Variants in PIP4K2A observed in about 807,000 individuals in gnomAD.
The protein encoded by PIP4K2A is phosphatidylinositol-5-phosphate 4-kinase type 2 alpha.
A neutral mutation model predicts 42.9 loss-of-function variants in PIP4K2A; 14 were observed. The observed-to-expected ratio is 0.33, with a 90% CI of 0.22 to 0.51. PIP4K2A has a LOEUF of 0.51. PIP4K2A is among the 20% of genes least tolerant of loss of function. PIP4K2A has a pLI of 0.97. For missense variants in PIP4K2A, 434 were observed against 519.8 expected (o/e 0.83, Z 1.61); for synonymous variants, 192 against 192.2 (o/e 1.00, Z 0.01).
chr10:22,630,525 A>C (rs1204398627), intron 1 of PIP4K2A, among the ~76,000 whole-genome samples: 1 of 152,242 alleles, frequency 6.6e-6, no homozygotes, highest in Non-Finnish European at 1.5e-5. Context: ...TTATACATGA[A>C]ATGGGGATTT....
chr10:22,570,273 G>T (rs1452075686), intron 5 of PIP4K2A, among the ~76,000 whole-genome samples: 1 of 152,228 alleles, frequency 6.6e-6, no homozygotes, highest in Non-Finnish European at 1.5e-5. Flanking sequence ...TATTTTAACA[G>T]ATGAAGAGAC....
At chr10:22,680,559 A>C (rs1307747339) in intron 1 of PIP4K2A, among the ~76,000 whole-genome samples, 1 of 150,366 alleles carries the variant, frequency 6.7e-6, no homozygotes, top group African/African-American at 2.4e-5. Context: ...ATGAATGACA[A>C]TAAAAAGGCT....
intron 1 of PIP4K2A, among the ~76,000 whole-genome samples, chr10:22,642,853 A>G (rs1588681221): frequency 1.3e-5 from 2 of 152,108 alleles, no homozygotes; most frequent in African/African-American, 4.8e-5. Flanking sequence ...CCTAGATAGT[A>G]ATTCATGTAT....
intron 3 of PIP4K2A, among the ~76,000 whole-genome samples, chr10:22,599,212 G>A (rs1271222428): frequency 6.6e-6 from 1 of 152,138 alleles, no homozygotes; most frequent in Non-Finnish European, 1.5e-5. Context: ...CAACTCAACA[G>A]TTTTTAATGT....
intron 1 of PIP4K2A, among the ~76,000 whole-genome samples, chr10:22,707,601 A>G (rs1453084711): frequency 6.6e-6 from 1 of 152,246 alleles, no homozygotes; most frequent in Non-Finnish European, 1.5e-5. Context: ...AAAAGAACTC[A>G]AAGAAATGAA....
chr10:22,621,908 C>A (rs1838338930), intron 1 of PIP4K2A, among the ~76,000 whole-genome samples: 1 of 152,206 alleles, frequency 6.6e-6, no homozygotes, highest in South Asian at 2.1e-4. Flanking sequence ...AGAGGGGCCG[C>A]CTGCTTTCCT....
rs146921550 is a variant in PIP4K2A, at chr10:22,544,354, T to G, written c.793-2307A>C. On this transcript the variant is annotated intron_variant, in intron 7 of 9. Transcript: ENST00000376573. Reference sequence around the variant, plus strand: ...GGGGTGCTTATGGTGGGCCCACTTCTCCCTGCCCTGTTGTTCCAAGGCCTC... The same window carrying G: ...GGGGTGCTTATGGTGGGCCCACTTCGCCCTGCCCTGTTGTTCCAAGGCCTC... Among the ~76,000 whole-genome samples the G allele has an allele frequency of 5.8e-3, 884 of 152,262 alleles. 6 individuals carry two copies. Among genetic ancestry groups the G allele is most frequent in the African/African-American group, 0.02 (833 of 41,552 alleles).
At chr10:22,609,552 CA>C in intron 2 of PIP4K2A, 67 bp downstream of exon 2, 1 of 881,264 alleles carries the variant, frequency 1.1e-6, no homozygotes, top group Non-Finnish European at 1.9e-6. Flanking sequence ...TATGTGATTA[CA>C]AAAATTCACA....
intron 1 of PIP4K2A, among the ~76,000 whole-genome samples, chr10:22,673,463 G>T (rs1018804334): frequency 6.6e-6 from 1 of 152,116 alleles, no homozygotes; most frequent in African/African-American, 2.4e-5. Context: ...CCGGGGTCTT[G>T]CATCAAGCCC....
chr10:22,599,251 A>C (rs1837698311), intron 3 of PIP4K2A, among the ~76,000 whole-genome samples: 1 of 152,194 alleles, frequency 6.6e-6, no homozygotes, highest in Admixed American at 6.5e-5. Context: ...CCATGACCAC[A>C]ATCATTTTTA....
chr10:22,554,291 T>A (rs189227273), intron 6 of PIP4K2A, among the ~76,000 whole-genome samples: 96 of 152,358 alleles, frequency 6.3e-4, no homozygotes, highest in African/African-American at 2.2e-3. Context: ...ATCTTTTTTT[T>A]AAATGTGGAA....
chr10:22,648,309 T>C (rs1838926401), intron 1 of PIP4K2A, among the ~76,000 whole-genome samples: 1 of 151,902 alleles, frequency 6.6e-6, no homozygotes, highest in Admixed American at 6.6e-5. Context: ...GTGGGGAGAG[T>C]TAATTCCTTA....
rs141337543 is a variant in PIP4K2A, at chr10:22,540,481, C to T, written c.1037-407G>A. On this transcript the variant is annotated intron_variant, in intron 8 of 9. Transcript: ENST00000376573. ...ACTAATTATGTACACTAATCCTTTA[C>T]ATCAAATGGTAGAACTGTTCATAAT... Among the ~76,000 whole-genome samples, 1,304 of 151,996 alleles carry T rather than the reference C, an allele frequency of 8.6e-3. 18 individuals are homozygous for T. The highest frequency in any genetic ancestry group is 0.029 in the African/African-American group (1,218 of 41,426).
At chr10:22,590,911 C>T (rs748780249) in intron 4 of PIP4K2A, among the ~76,000 whole-genome samples, 8 of 152,170 alleles carry the variant, frequency 5.3e-5, no homozygotes, top group Non-Finnish European at 1.0e-4. Context: ...TAGTAAGCGA[C>T]CTGGCTGGGA....
chr10:22,547,160 C>A (rs947872020), intron 7 of PIP4K2A, among the ~76,000 whole-genome samples: 5 of 152,158 alleles, frequency 3.3e-5, no homozygotes, highest in Admixed American at 3.3e-4. Context: ...ACTAACACAC[C>A]GTGTTCTACC....
At chr10:22,681,839 CCA>C (rs1462582640) in intron 1 of PIP4K2A, among the ~76,000 whole-genome samples, 1 of 152,176 alleles carries the variant, frequency 6.6e-6, no homozygotes, top group Non-Finnish European at 1.5e-5. Context: ...GCTCTGCGGG[CCA>C]CACAGTCTCT....
intron 1 of PIP4K2A, among the ~76,000 whole-genome samples, chr10:22,650,857 T>C (rs1374137954): frequency 1.3e-5 from 2 of 152,102 alleles, no homozygotes; most frequent in Admixed American, 6.5e-5. Context: ...TCCCCTACCT[T>C]TTACTGGCTG....
chr10:22,680,020 C>A (rs1014526787), intron 1 of PIP4K2A, among the ~76,000 whole-genome samples: 2 of 151,408 alleles, frequency 1.3e-5, no homozygotes, highest in Non-Finnish European at 2.9e-5. Context: ...CAATGAATTG[C>A]ATATTCTAAA....
chr10:22,558,200 T>C (rs1836599492), intron 6 of PIP4K2A, among the ~76,000 whole-genome samples: 2 of 152,240 alleles, frequency 1.3e-5, no homozygotes, highest in Non-Finnish European at 2.9e-5. Flanking sequence ...TTAGAACTGC[T>C]TGTGTTCCTG....
Sources: allele counts gnomAD v4.1 joint callset (sites outside exome capture counted in the v4.1 genomes callset), GRCh38; gene constraint gnomAD v4.1.1; transcripts MANE v1.5; gene names NCBI Gene and HGNC (gene_info 2026-07-23, HGNC 2026-07-21).